EXT2: variants seen among roughly 807,000 people sequenced by gnomAD.
The protein encoded by EXT2 is exostosin glycosyltransferase 2, also known as exostosin-2.
In EXT2, 53 loss-of-function variants were observed where a neutral mutation model predicts 81.6. The ratio of observed to expected loss-of-function variants is 0.65; its 90% confidence interval spans 0.52 to 0.82. EXT2 has a LOEUF of 0.82. EXT2 is among the 40% of genes least tolerant of loss of function. EXT2 has a pLI of 0.00. For synonymous variants in EXT2, 320 were observed against 340.0 expected, an observed-to-expected ratio of 0.94 and a Z score of 0.65; for missense variants, 774 against 910.2, an observed-to-expected ratio of 0.85 and a Z score of 1.93.
Position 44,245,946 on chromosome 11 carries a change from A to G in EXT2, c.*1659A>G, listed in dbSNP as rs1052855644. 4.6e-5 allele frequency among the ~76,000 whole-genome samples: 7 copies of G among 152,240 alleles called. No homozygotes were observed. Among genetic ancestry groups the G allele is most frequent in the African/African-American group, 1.4e-4 (6 of 41,466 alleles). On this transcript the variant is annotated 3_prime_UTR_variant, in exon 14 of 14. Coordinates refer to ENST00000533608, the MANE Select transcript of EXT2 (RefSeq NM_207122.2). ...CAGATGTTCATTTTGCAAATGCAGA[A>G]ACTGAAGTGATTTTTTTCAGTTTCT...
intron 7 of EXT2, among the ~76,000 whole-genome samples, chr11:44,149,221 G>T (rs932804747): frequency 7.2e-5 from 11 of 152,094 alleles, no homozygotes; most frequent in African/African-American, 2.2e-4. Flanking sequence ...ACTTAGCTGG[G>T]TGTGGTGGTG....
chr11:44,249,375 G>A lies in EXT2; in HGVS notation c.*5088G>A, dbSNP rs1042142180. ...GCATCTCTTCCCACTCTCCCTGAAA[G>A]GCACAGAACTATCAGACAGAAGACA... On this transcript the variant is annotated 3_prime_UTR_variant, in exon 14 of 14. Transcript: ENST00000533608. Among the ~76,000 whole-genome samples the A allele has an allele frequency of 1.3e-4, 20 of 152,168 alleles. No homozygotes were observed. Among genetic ancestry groups the A allele is most frequent in the African/African-American group, 4.8e-4 (20 of 41,440 alleles).
At chr11:44,124,730 C>A in intron 4 of EXT2, 59 bp from the exon 5 acceptor site, 3 of 1,493,192 alleles carry the variant, frequency 2.0e-6, no homozygotes, top group Non-Finnish European at 2.8e-6. Flanking sequence ...CAAAGTTTGT[C>A]TTACCTTGAC....
intron 7 of EXT2, among the ~76,000 whole-genome samples, chr11:44,160,691 G>A (rs1954916868): frequency 6.6e-6 from 1 of 152,170 alleles, no homozygotes; most frequent in Non-Finnish European, 1.5e-5. Flanking sequence ...AGAATAATCT[G>A]GACTGTGAGA....
rs1002433994 is a variant in EXT2, at chr11:44,163,643, G to T, written c.1174-7968G>T. Among the ~76,000 whole-genome samples, 4 of 152,244 alleles carry T rather than the reference G, an allele frequency of 2.6e-5. No individual in the cohort carries two copies. In the East Asian group the frequency reaches 7.7e-4, roughly 29 times the overall value. On this transcript the variant is annotated intron_variant, in intron 7 of 13. Coordinates refer to ENST00000533608, the MANE Select transcript of EXT2 (RefSeq NM_207122.2). ...CAGCTTTGAAAAATAAATCCGTGAT[G>T]CATGGAAATATTTTCCAGCTGTTCA...
At chr11:44,151,289 T>C (rs186290158) in intron 7 of EXT2, among the ~76,000 whole-genome samples, 1 of 152,354 alleles carries the variant, frequency 6.6e-6, no homozygotes, top group East Asian at 1.9e-4. Context: ...CTTGATATTT[T>C]ACATTGTATG....
rs144335747 is a variant in EXT2, at chr11:44,251,875, G to A, written c.*7588G>A. Among the ~76,000 whole-genome samples, 141 of 152,212 alleles carry A rather than the reference G, an allele frequency of 9.3e-4. No individual in the cohort carries two copies. The highest frequency in any genetic ancestry group is 3.1e-3 in the African/African-American group (130 of 41,552). On this transcript the variant is annotated 3_prime_UTR_variant, in exon 14 of 14. Transcript: ENST00000533608. ...TGAACAAAACAATGTACCTACTTTC[G>A]TCAAGCTTACATTCTAATGAGGAAG...
Position 44,119,151 on chromosome 11 carries a change from T to TAC in EXT2, c.743+4851_743+4852insCA, listed in dbSNP as rs1954273382. On this transcript the variant is annotated intron_variant, in intron 4 of 13. Transcript: ENST00000533608. ...ATATATATATATATATATATATATATATATATATATATATATATACACATA... is the reference window on the plus strand; with the variant it reads ...ATATATATATATATATATATATATATACATATATATATATATATATACACATA... Among the ~76,000 whole-genome samples, 12 of 91,640 alleles carry TAC rather than the reference T, an allele frequency of 1.3e-4. 1 individual carries two copies. The East Asian group carries it at 3.0e-3, about 23-fold the overall frequency. 60.1% of individuals were successfully genotyped at this position (91,640 alleles called of 152,430 possible).
At chr11:44,203,920 A>G (rs1213458661) in intron 9 of EXT2, among the ~76,000 whole-genome samples, 1 of 152,252 alleles carries the variant, frequency 6.6e-6, no homozygotes, top group Non-Finnish European at 1.5e-5. Context: ...CTAACAGGGC[A>G]ATGATGACTA....
chr11:44,180,039 A>G (rs960555303), intron 8 of EXT2, among the ~76,000 whole-genome samples: 2 of 152,078 alleles, frequency 1.3e-5, no homozygotes, highest in African/African-American at 4.8e-5. Flanking sequence ...TCCCTCAGCT[A>G]TATTTCTTGG....
intron 4 of EXT2, among the ~76,000 whole-genome samples, chr11:44,118,679 G>A (rs905914169): frequency 2.6e-5 from 4 of 151,896 alleles, no homozygotes; most frequent in African/African-American, 4.8e-5. Context: ...GTGAATTCAC[G>A]GACAGAAGAA....
intron 8 of EXT2, among the ~76,000 whole-genome samples, chr11:44,186,893 T>A (rs1192850790): frequency 3.3e-5 from 5 of 152,224 alleles, no homozygotes; most frequent in Non-Finnish European, 7.3e-5. Flanking sequence ...ATTATCTGAT[T>A]ATGTCTGATT....
At chr11:44,210,137 C>T (rs1289186696) in intron 10 of EXT2, among the ~76,000 whole-genome samples, 1 of 152,214 alleles carries the variant, frequency 6.6e-6, no homozygotes, top group Non-Finnish European at 1.5e-5. Flanking sequence ...CCATTCTTCC[C>T]ATGGGGATTT....
At chr11:44,240,301 A>G (rs1956021888) in intron 13 of EXT2, among the ~76,000 whole-genome samples, 1 of 152,238 alleles carries the variant, frequency 6.6e-6, no homozygotes, top group Non-Finnish European at 1.5e-5. Flanking sequence ...TGGAAAAGCC[A>G]GGAGAGAACC....
chr11:44,120,514 C>T (rs1333010405), intron 4 of EXT2, among the ~76,000 whole-genome samples: 4 of 152,066 alleles, frequency 2.6e-5, no homozygotes, highest in Admixed American at 2.0e-4. Context: ...CCCCCGAAAA[C>T]CAAGACAAAA....
intron 8 of EXT2, among the ~76,000 whole-genome samples, chr11:44,180,327 G>A (rs142868884): frequency 6.6e-6 from 1 of 152,034 alleles, no homozygotes; most frequent in Non-Finnish European, 1.5e-5. Flanking sequence ...CATTAAAGTG[G>A]TATTTATTAT....
intron 12 of EXT2, among the ~76,000 whole-genome samples, chr11:44,235,317 C>G (rs1375722997): frequency 6.2e-5 from 9 of 145,892 alleles, no homozygotes; most frequent in Non-Finnish European, 1.3e-4. Flanking sequence ...TCACTGCAGC[C>G]TCTGCCTCCT....
At chr11:44,147,890 G>A (rs1045698834) in intron 7 of EXT2, among the ~76,000 whole-genome samples, 9 of 149,092 alleles carry the variant, frequency 6.0e-5, no homozygotes, top group African/African-American at 2.2e-4. Context: ...ACTATTTTAG[G>A]TGCTGTGGGA....
intron 7 of EXT2, among the ~76,000 whole-genome samples, chr11:44,171,306 A>G (rs1166128217): frequency 6.6e-6 from 1 of 152,240 alleles, no homozygotes; most frequent in Non-Finnish European, 1.5e-5. Context: ...ATGTTATATA[A>G]GACAAAATAC....
Sources: allele counts gnomAD v4.1 joint callset (sites outside exome capture counted in the v4.1 genomes callset), GRCh38; gene constraint gnomAD v4.1.1; transcripts MANE v1.5; gene names NCBI Gene and HGNC (gene_info 2026-07-23, HGNC 2026-07-21).